Variants in NUP133 observed in about 807,000 individuals in gnomAD.
The protein encoded by NUP133 is nucleoporin 133, also known as nuclear pore complex protein Nup133.
Under a neutral mutation model 146.2 loss-of-function variants are expected in NUP133, and 66 were observed. That is an observed-to-expected ratio of 0.45 (90% CI 0.37 to 0.55). NUP133 has a LOEUF of 0.55. Ranked by LOEUF, NUP133 falls within the 20% of genes least tolerant of loss-of-function variation. The pLI is 0.00. For missense variants in NUP133, 1,277 were observed against 1,374.8 expected (o/e 0.93, Z 1.12); for synonymous variants, 521 against 498.8 (o/e 1.04, Z -0.59).
chr1:229,488,254 C>T (rs879257543), intron 9 of NUP133, among the ~76,000 whole-genome samples: 2 of 152,036 alleles, frequency 1.3e-5, no homozygotes, highest in South Asian at 4.1e-4. Flanking sequence ...CACTAAAATT[C>T]GTTATATTAA....
At chr1:229,463,275 C>T (rs1660732144) in intron 19 of NUP133, among the ~76,000 whole-genome samples, 1 of 152,082 alleles carries the variant, frequency 6.6e-6, no homozygotes, top group African/African-American at 2.4e-5. Flanking sequence ...CCTGTGGTCC[C>T]ATCTACTGGA....
At chr1:229,455,494 G>A (rs950015726) in intron 21 of NUP133, among the ~76,000 whole-genome samples, 3 of 152,206 alleles carry the variant, frequency 2.0e-5, no homozygotes, top group African/African-American at 4.8e-5. Flanking sequence ...CTAGGAGTCC[G>A]AGGCTGCAGT....
At chr1:229,476,630 T>TG (rs1406206962) in intron 13 of NUP133, among the ~76,000 whole-genome samples, 1 of 152,098 alleles carries the variant, frequency 6.6e-6, no homozygotes, top group South Asian at 2.1e-4. Flanking sequence ...TCATTTAATT[T>TG]GGGGGTAAGT....
chr1:229,455,477 C>T (rs1172731709), intron 21 of NUP133, among the ~76,000 whole-genome samples: 1 of 152,170 alleles, frequency 6.6e-6, no homozygotes, highest in Non-Finnish European at 1.5e-5. Flanking sequence ...AAGAGCATCA[C>T]CTGAGTCTAG....
chr1:229,478,308 T>C lies in NUP133; in HGVS notation c.1593-548A>G, dbSNP rs887921525. On this transcript the variant is annotated intron_variant, in intron 12 of 25. Coordinates refer to ENST00000261396, the MANE Select transcript of NUP133 (RefSeq NM_018230.3). Reference sequence around the variant, plus strand: ...AAATACACATTGAATACTTAGAACATGCTCGGCTCTGGACACAGAAAGATA... The same window carrying C: ...AAATACACATTGAATACTTAGAACACGCTCGGCTCTGGACACAGAAAGATA... Among the ~76,000 whole-genome samples the C allele has an allele frequency of 5.9e-5, 9 of 152,110 alleles. 1 individual carries two copies. The highest frequency in any genetic ancestry group is 2.2e-4 in the African/African-American group (9 of 41,424).
intron 15 of NUP133, among the ~76,000 whole-genome samples, chr1:229,468,392 C>T (rs990478002): frequency 1.8e-4 from 28 of 152,176 alleles, no homozygotes; most frequent in African/African-American, 5.5e-4. Context: ...CATTATGACA[C>T]GGGAGAAAAC....
chr1:229,474,487 AAC>A (rs1301567666), intron 14 of NUP133, among the ~76,000 whole-genome samples: 2 of 152,228 alleles, frequency 1.3e-5, no homozygotes, highest in Non-Finnish European at 2.9e-5. Context: ...ACAGGAGATA[AAC>A]CATGCACAAA....
chr1:229,460,729 C>T lies in NUP133; in HGVS notation c.2726G>A (p.Gly909Glu). The change falls in exon 20 of 26, where the codon GGA (glycine) becomes GAA (glutamate). Residue 909 changes from glycine to glutamate, a missense_variant. Coordinates refer to ENST00000261396, the MANE Select transcript of NUP133 (RefSeq NM_018230.3). The stretch of plus-strand genomic sequence containing the variant: ...CTGAGATAATAATTTGCCTCGCTTT[C>T]CTTTCTCCAGATACCAACGGAAGAG... ...DFLFRWYLEK[G>E]KRGKLLSQPI... 1.2e-6 allele frequency: 2 copies of T among 1,613,906 alleles called. No individual in the cohort carries two copies. The highest frequency in any genetic ancestry group is 1.7e-6 in the Non-Finnish European group (2 of 1,179,926).
intron 21 of NUP133, among the ~76,000 whole-genome samples, chr1:229,455,286 T>C (rs952893073): frequency 6.6e-6 from 1 of 152,182 alleles, no homozygotes; most frequent in Non-Finnish European, 1.5e-5. Flanking sequence ...AGGCTGGGTG[T>C]GGTGGCTCAT....
chr1:229,458,025 C>G (rs1044179338), intron 21 of NUP133, 136 bp downstream of exon 21: 21 of 804,284 alleles, frequency 2.6e-5, no homozygotes, highest in Non-Finnish European at 2.6e-5. Context: ...TACACATGGA[C>G]ATTAACTAAA....
intron 1 of NUP133, among the ~76,000 whole-genome samples, chr1:229,507,634 C>T (rs1365048263): frequency 2.0e-5 from 3 of 152,176 alleles, no homozygotes; most frequent in Non-Finnish European, 4.4e-5. Flanking sequence ...AGGCATTAAA[C>T]AATGATCTTT....
intron 23 of NUP133, 30 bp downstream of exon 23, chr1:229,450,495 C>A: frequency 8.1e-7 from 1 of 1,227,786 alleles, no homozygotes; most frequent in Non-Finnish European, 1.2e-6. Context: ...TATTCAGTTG[C>A]CTGAGATCAT....
rs879256176 is a variant in NUP133, at chr1:229,484,371, TA to T, written c.1501-227del. Among the ~76,000 whole-genome samples, 422 of 145,988 alleles carry T rather than the reference TA, an allele frequency of 2.9e-3. 4 individuals are homozygous for T. The highest frequency in any genetic ancestry group is 0.015 in the Admixed American group (223 of 14,560). On this transcript the variant is annotated intron_variant, in intron 11 of 25. Transcript: ENST00000261396. ...CTAACATTAATGATAGCTGATGAGT[TA>T]AAAAAAAAAAAATTTATGTTTCAAG...
Position 229,463,696 on chromosome 1 carries a change from T to C in NUP133, c.2552-20A>G. On this transcript the variant is annotated intron_variant, in intron 18 of 25. Transcript: ENST00000261396. ...GTGAAACTGTGGGAATGAGAAAAGATGGGAAAAAATCCTGTTAGCAAAACT... is the reference window on the plus strand; with the variant it reads ...GTGAAACTGTGGGAATGAGAAAAGACGGGAAAAAATCCTGTTAGCAAAACT... The C allele has an allele frequency of 1.3e-6, 2 of 1,575,648 alleles. No homozygotes were observed. Among genetic ancestry groups the C allele is most frequent in the Non-Finnish European group, 1.7e-6 (2 of 1,167,482 alleles).
At chr1:229,446,919 G>A (rs1052750283) in intron 24 of NUP133, among the ~76,000 whole-genome samples, 11 of 152,096 alleles carry the variant, frequency 7.2e-5, no homozygotes, top group Non-Finnish European at 1.6e-4. Context: ...AAGGTCAGGA[G>A]TTCGAGACCA....
rs1661782679 is a variant in NUP133 at position 229,500,866 on chromosome 1, G to A, written c.406-3C>T. On this transcript the variant is annotated splice_region_variant and splice_polypyrimidine_tract_variant and intron_variant, in intron 3 of 25. Coordinates refer to ENST00000261396, the MANE Select transcript of NUP133 (RefSeq NM_018230.3). ...TGAAGTTCTTTGCAAACGGATAACT[G>A]TAGAACAAACCCAAACAGAAAATCT... The A allele has an allele frequency of 2.5e-6, 4 of 1,598,116 alleles. No homozygotes were observed. The highest frequency in any genetic ancestry group is 1.7e-6 in the Non-Finnish European group (2 of 1,168,386).
At chr1:229,478,148 T>TA (rs199546842) in intron 12 of NUP133, among the ~76,000 whole-genome samples, 227 of 150,486 alleles carry the variant, frequency 1.5e-3, no homozygotes, top group African/African-American at 5.3e-3. Context: ...CCCATAAAAA[T>TA]AAAAAAAAAA....
intron 24 of NUP133, among the ~76,000 whole-genome samples, chr1:229,447,590 A>T (rs1398509939): frequency 6.6e-6 from 1 of 152,074 alleles, no homozygotes; most frequent in African/African-American, 2.4e-5. Context: ...CCTGTTCCTC[A>T]ATATCCAGGG....
rs1335745304 is a variant in NUP133 at position 229,463,695 on chromosome 1, ATGGG to A, written c.2552-23_2552-20del. On this transcript the variant is annotated intron_variant, in intron 18 of 25. Transcript: ENST00000261396. ...AGTGAAACTGTGGGAATGAGAAAAG[ATGGG>A]AAAAAATCCTGTTAGCAAAACTTAA... The A allele has an allele frequency of 6.3e-7, 1 of 1,576,888 alleles. No homozygotes were observed. The highest frequency in any genetic ancestry group is 2.0e-5 in the Admixed American group (1 of 48,798).
Sources: allele counts gnomAD v4.1 joint callset (sites outside exome capture counted in the v4.1 genomes callset), GRCh38; gene constraint gnomAD v4.1.1; transcripts MANE v1.5; gene names NCBI Gene and HGNC (gene_info 2026-07-23, HGNC 2026-07-21).